DDX46: variants seen among roughly 807,000 people sequenced by gnomAD.
DDX46 encodes probable ATP-dependent RNA helicase DDX46.
In DDX46, 30 loss-of-function variants were observed where a neutral mutation model predicts 134.9. The ratio of observed to expected loss-of-function variants is 0.22; its 90% CI spans 0.17 to 0.30. The LOEUF (loss-of-function observed/expected upper bound fraction) is 0.30, where lower values mean the gene tolerates loss of function less well. DDX46 is among the 10% of genes least tolerant of loss of function. The pLI is 1.00. For synonymous variants in DDX46, 415 were observed against 404.1 expected, an observed-to-expected ratio of 1.03 and a Z score of -0.32; for missense variants, 622 against 1,248.7, an observed-to-expected ratio of 0.50 and a Z score of 7.56.
chr5:134,759,711 C>A (rs1390841210), intron 1 of DDX46, among the ~76,000 whole-genome samples: 4 of 152,102 alleles, frequency 2.6e-5, no homozygotes, highest in African/African-American at 9.7e-5. Context: ...GTTGTTAGTG[C>A]TAACAGTTCT....
chr5:134,826,841 T>C, intron 21 of DDX46, 106 bp from the exon 22 acceptor site: 2 of 1,041,122 alleles, frequency 1.9e-6, no homozygotes, highest in South Asian at 3.5e-5. Context: ...GGCAGTACAG[T>C]GTTTCTGAAA....
At position 134,829,933 on chromosome 5, in the gene DDX46, T is replaced by A. The variant is rs1456585230; in HGVS notation, c.*1227T>A. The stretch of plus-strand genomic sequence containing the variant: ...CGACAGAGTGAGACTATCTCAAAAA[T>A]AAATAAATAAATAAATAAATAGTAT... On this transcript the variant is annotated 3_prime_UTR_variant, in exon 23 of 23. Coordinates refer to ENST00000452510, the MANE Select transcript of DDX46 (RefSeq NM_001300860.2). The A allele has an allele frequency of 6.6e-6, 1 of 151,526 alleles. No individual in the cohort carries two copies. Among genetic ancestry groups the A allele is most frequent in the Non-Finnish European group, 1.5e-5 (1 of 67,926 alleles). The allele number at this position is 151,526 out of a possible 1,614,324, so 9.4% of individuals were successfully genotyped here. A position where few individuals can be genotyped will look rare whatever the true frequency, so the allele number is the denominator to read the frequency against.
chr5:134,806,621 C>A (rs1754993986), intron 15 of DDX46, among the ~76,000 whole-genome samples: 1 of 152,096 alleles, frequency 6.6e-6, no homozygotes, highest in Admixed American at 6.5e-5. Context: ...GATTCAAATA[C>A]TTCCTTTAAA....
chr5:134,778,604 C>T lies in DDX46; in HGVS notation c.765+879C>T, dbSNP rs1050472190. On this transcript the variant is annotated intron_variant, in intron 6 of 22. Transcript: ENST00000452510. ...TTATTTTTTTTCTGAGACAGAGTCT[C>T]GCTCTATTGCCCAAGCGGGAGTGCA... Among the ~76,000 whole-genome samples, 3 of 152,000 alleles carry T rather than the reference C, an allele frequency of 2.0e-5. No individual in the cohort carries two copies. In the East Asian group the frequency reaches 5.8e-4, roughly 29 times the overall value.
At chr5:134,820,615 A>G (rs533891726) in intron 21 of DDX46, among the ~76,000 whole-genome samples, 75 of 152,282 alleles carry the variant, frequency 4.9e-4, no homozygotes, top group Non-Finnish European at 9.3e-4. Context: ...CTCCATTTGG[A>G]ACTATTTTTA....
At chr5:134,819,079 T>C in intron 21 of DDX46, 75 bp downstream of exon 21, 5 of 1,514,000 alleles carry the variant, frequency 3.3e-6, no homozygotes, top group South Asian at 2.6e-5. Context: ...GCAAAGAGCA[T>C]GTGAGGTCAA....
chr5:134,818,134 TTTTTAGTAG>T (rs1374194663), intron 20 of DDX46, among the ~76,000 whole-genome samples: 2 of 151,514 alleles, frequency 1.3e-5, no homozygotes, highest in Admixed American at 1.3e-4. Context: ...ATTTTTAGTA[TTTTTAGTAG>T]AGACAGGGCT....
At chr5:134,811,958 T>C (rs1203648707) in intron 18 of DDX46, 113 bp downstream of exon 18, 17 of 1,371,322 alleles carry the variant, frequency 1.2e-5, no homozygotes, top group Non-Finnish European at 6.7e-6. Flanking sequence ...TTACAAGAGG[T>C]TGGTTCCAGA....
intron 16 of DDX46, among the ~76,000 whole-genome samples, chr5:134,809,076 G>A (rs1281357075): frequency 2.6e-5 from 4 of 152,112 alleles, no homozygotes; most frequent in African/African-American, 9.7e-5. Flanking sequence ...AAAAATTCAT[G>A]CACATAGGAT....
chr5:134,766,873 G>C (rs748939237), intron 2 of DDX46, 44 bp from the exon 3 acceptor site: 1 of 1,577,742 alleles, frequency 6.3e-7, no homozygotes. Flanking sequence ...TGAAATAGTA[G>C]CTCCATTTGG....
chr5:134,792,334 A>C (rs1271726845), intron 13 of DDX46, among the ~76,000 whole-genome samples: 1 of 152,112 alleles, frequency 6.6e-6, no homozygotes, highest in Non-Finnish European at 1.5e-5. Context: ...TGGGGAAGTC[A>C]TATGGAGCTT....
intron 12 of DDX46, 70 bp from the exon 13 acceptor site, chr5:134,790,400 T>C: frequency 7.2e-7 from 1 of 1,396,636 alleles, no homozygotes; most frequent in East Asian, 2.3e-5. Context: ...TAAAAGTTCT[T>C]GGTAGCCATA....
chr5:134,797,067 T>C, intron 15 of DDX46: 1 of 219,508 alleles, frequency 4.6e-6, no homozygotes, highest in Non-Finnish European at 9.0e-6. Flanking sequence ...GGAGAATCGC[T>C]TGAACCCAGG....
chr5:134,790,063 C>T, intron 12 of DDX46: 1 of 458,312 alleles, frequency 2.2e-6, no homozygotes, highest in Non-Finnish European at 4.4e-6. Context: ...CTAGAACTTG[C>T]TTTCCACACA....
At chr5:134,785,411 A>T in intron 10 of DDX46, 54 bp from the exon 11 acceptor site, 1 of 1,579,568 alleles carries the variant, frequency 6.3e-7, no homozygotes, top group Non-Finnish European at 8.6e-7. Context: ...AACACTATAA[A>T]GCACAGCCTT....
chr5:134,767,079 T>G lies in DDX46; in HGVS notation c.350+19T>G, dbSNP rs372616205. The G allele has an allele frequency of 4.9e-5, 79 of 1,607,742 alleles. No homozygotes were observed. In the African/African-American group the frequency reaches 9.4e-4, roughly 19 times the overall value. ...AGAATAGGTAATGTTATCATTGGGC[T>G]GCATCTATAGTGCAGACTGGGGACT... On this transcript the variant is annotated intron_variant, in intron 3 of 22. Transcript: ENST00000452510.
At chr5:134,768,258 T>C (rs1753644040) in intron 3 of DDX46, among the ~76,000 whole-genome samples, 1 of 151,764 alleles carries the variant, frequency 6.6e-6, no homozygotes, top group Admixed American at 6.6e-5. Context: ...TGCAGGTGTG[T>C]GCCAACATGC....
intron 1 of DDX46, among the ~76,000 whole-genome samples, chr5:134,761,247 A>G (rs1412586230): frequency 6.6e-6 from 1 of 151,776 alleles, no homozygotes; most frequent in Non-Finnish European, 1.5e-5. Context: ...GCTGGTCTCA[A>G]CTCCTGAGGT....
rs1755712272 is a variant in DDX46 at position 134,830,544 on chromosome 5, ATAATT to A, written c.*1840_*1844del. On this transcript the variant is annotated 3_prime_UTR_variant, in exon 23 of 23. Transcript: ENST00000452510. ...AAGCATACTATAGTTGTAAAAACAA[ATAATT>A]TTAATAGTATATTCAGTGGCTGAAG... 6.6e-6 allele frequency: 1 copy of A among 152,244 alleles called. No individual in the cohort carries two copies. The highest frequency in any genetic ancestry group is 1.5e-5 in the Non-Finnish European group (1 of 68,042). The allele number at this position is 152,244 out of a possible 1,614,324, so 9.4% of individuals were successfully genotyped here. A position where few individuals can be genotyped will look rare whatever the true frequency, so the allele number is the denominator to read the frequency against.
Sources: gnomAD v4.1 joint callset for allele counts (sites outside exome capture counted in the v4.1 genomes callset) on GRCh38, gnomAD v4.1.1 for gene constraint, MANE v1.5 for transcripts, NCBI Gene and HGNC (gene_info 2026-07-23, HGNC 2026-07-21) for gene names.